The following FBLN2 variants were observed in gnomAD, a reference collection of about 807,000 sequenced individuals.
FBLN2 encodes the protein fibulin-2.
A neutral mutation model predicts 123.7 loss-of-function variants in FBLN2; 81 were observed. The ratio of observed to expected loss-of-function variants is 0.65; its 90% CI spans 0.55 to 0.79. The LOEUF (loss-of-function observed/expected upper bound fraction) is 0.79. Among genes scored for constraint, FBLN2 ranks in the 30% least tolerant of loss-of-function variants. The pLI, the probability that FBLN2 is intolerant of heterozygous loss-of-function variation, is 0.00. For synonymous variants in FBLN2, 699 were observed against 701.4 expected, an observed-to-expected ratio of 1.00 and a Z score of 0.05; for missense variants, 1,603 against 1,681.3, an observed-to-expected ratio of 0.95 and a Z score of 0.81.
chr3:13,558,731 T>C (rs1252283890), intron 1 of FBLN2, among the ~76,000 whole-genome samples: 1 of 111,748 alleles, frequency 8.9e-6, no homozygotes, highest in African/African-American at 3.5e-5. Flanking sequence ...CTACCTACTT[T>C]TTTAGCCACC....
intron 1 of FBLN2, among the ~76,000 whole-genome samples, chr3:13,568,421 C>T (rs1703813513): frequency 6.6e-6 from 1 of 152,252 alleles, no homozygotes; most frequent in Non-Finnish European, 1.5e-5. Context: ...TCACCTGCTC[C>T]CTGCTGGCTC....
chr3:13,606,161 A>G (rs2124876736), intron 2 of FBLN2, among the ~76,000 whole-genome samples: 1 of 152,282 alleles, frequency 6.6e-6, no homozygotes, highest in Non-Finnish European at 1.5e-5. Context: ...TAGCCTCCCA[A>G]AATGCTGGGA....
chr3:13,620,243 A>G (rs1350885288), intron 8 of FBLN2, among the ~76,000 whole-genome samples: 1 of 152,166 alleles, frequency 6.6e-6, no homozygotes, highest in East Asian at 1.9e-4. Flanking sequence ...GCTTCTAACA[A>G]GGTGATACGG....
chr3:13,577,182 C>T (rs1704174959), intron 2 of FBLN2, among the ~76,000 whole-genome samples: 1 of 149,986 alleles, frequency 6.7e-6, no homozygotes, highest in Non-Finnish European at 1.5e-5. Context: ...GAGATTGCGC[C>T]ACCGCACTCC....
At chr3:13,581,821 G>A (rs900613323) in intron 2 of FBLN2, among the ~76,000 whole-genome samples, 3 of 152,148 alleles carry the variant, frequency 2.0e-5, no homozygotes, top group East Asian at 3.9e-4. Context: ...CCTTCCCACC[G>A]TGGTGTCAAC....
At chr3:13,557,978 G>C (rs1703505302) in intron 1 of FBLN2, among the ~76,000 whole-genome samples, 2 of 152,192 alleles carry the variant, frequency 1.3e-5, no homozygotes, top group African/African-American at 4.8e-5. Flanking sequence ...CAAGGCTCTT[G>C]AGCCCAACGG....
At position 13,630,760 on chromosome 3, in the gene FBLN2, C is replaced by T; in HGVS notation, c.3030C>T (p.Tyr1010=). Reference sequence around the variant, plus strand: ...AGTGTGCCAACATCTATGGCTCCTACCAGTGCTACTGCCGCCAGGGCTACC... The same window carrying T: ...AGTGTGCCAACATCTATGGCTCCTATCAGTGCTACTGCCGCCAGGGCTACC... ...SQECANIYGS[Y]QCYCRQGYQL... is the part of the protein sequence containing the mutation. The change falls in exon 15 of 18, where the codon TAC becomes TAT. Residue 1010 remains tyrosine, a synonymous_variant. Coordinates refer to ENST00000404922, the MANE Select transcript of FBLN2 (RefSeq NM_001004019.2). The T allele has an allele frequency of 6.2e-7, 1 of 1,610,314 alleles. No individual in the cohort carries two copies.
chr3:13,604,723 T>C (rs1705147676), intron 2 of FBLN2, among the ~76,000 whole-genome samples: 1 of 152,260 alleles, frequency 6.6e-6, no homozygotes, highest in African/African-American at 2.4e-5. Context: ...TGCTATGTGC[T>C]TCTGGTAGAC....
rs145812553 is a variant in FBLN2, at chr3:13,572,901, C to G, written c.1306+1240C>G. On this transcript the variant is annotated intron_variant, in intron 2 of 17. Transcript: ENST00000404922. ...GGGCTTGCAGATCCAGAAGCCTGGT[C>G]TAGCTTCCATGGGGACCTGGGGTGA... is the stretch of plus-strand genomic sequence containing the variant. 3.7e-3 allele frequency among the ~76,000 whole-genome samples: 562 copies of G among 152,322 alleles called. 7 individuals carry two copies. Among genetic ancestry groups the G allele is most frequent in the African/African-American group, 0.013 (541 of 41,570 alleles).
intron 16 of FBLN2, among the ~76,000 whole-genome samples, chr3:13,632,967 G>T (rs1194153012): frequency 9.9e-5 from 15 of 152,234 alleles, no homozygotes; most frequent in Admixed American, 2.6e-4. Context: ...CCAAGGCCCT[G>T]TTCCTCCTGG....
At chr3:13,630,249 C>T (rs1474943035) in intron 14 of FBLN2, among the ~76,000 whole-genome samples, 1 of 152,218 alleles carries the variant, frequency 6.6e-6, no homozygotes, top group Non-Finnish European at 1.5e-5. Flanking sequence ...CTGAGGCATC[C>T]AAGGTCCGTG....
At chr3:13,549,918 C>G (rs1703277453) in intron 1 of FBLN2, among the ~76,000 whole-genome samples, 2 of 152,214 alleles carry the variant, frequency 1.3e-5, no homozygotes, top group African/African-American at 2.4e-5. Context: ...ATGCCTCTAG[C>G]AGACAGTTGT....
At chr3:13,619,133 AG>A in intron 7 of FBLN2, 116 bp downstream of exon 7, 1 of 718,544 alleles carries the variant, frequency 1.4e-6, no homozygotes. Context: ...GCCCCTCCAA[AG>A]GGTGTGCTTC....
At chr3:13,577,751 C>T (rs1704197466) in intron 2 of FBLN2, among the ~76,000 whole-genome samples, 1 of 152,200 alleles carries the variant, frequency 6.6e-6, no homozygotes, top group Non-Finnish European at 1.5e-5. Context: ...CGTGGCTGGA[C>T]AGGTGCCCTG....
intron 2 of FBLN2, among the ~76,000 whole-genome samples, chr3:13,579,815 T>G (rs1704264902): frequency 6.6e-6 from 1 of 152,212 alleles, no homozygotes. Flanking sequence ...CTTTTTTTCT[T>G]TGTACGCTGT....
At chr3:13,574,119 G>A (rs1704056649) in intron 2 of FBLN2, among the ~76,000 whole-genome samples, 1 of 152,210 alleles carries the variant, frequency 6.6e-6, no homozygotes, top group South Asian at 2.1e-4. Context: ...GAGTCACCGT[G>A]TTGAGGGGCG....
chr3:13,556,493 C>G (rs918789529), intron 1 of FBLN2, among the ~76,000 whole-genome samples: 1 of 152,154 alleles, frequency 6.6e-6, no homozygotes, highest in Non-Finnish European at 1.5e-5. Context: ...TGATACCATC[C>G]CACTGGGGTC....
intron 1 of FBLN2, among the ~76,000 whole-genome samples, chr3:13,553,567 G>A (rs999162977): frequency 1.3e-5 from 2 of 152,212 alleles, no homozygotes; most frequent in Admixed American, 6.5e-5. Flanking sequence ...GGGTCAAGCC[G>A]TGCGTCATTT....
intron 2 of FBLN2, among the ~76,000 whole-genome samples, chr3:13,603,712 T>A (rs955657144): frequency 2.0e-5 from 3 of 152,208 alleles, no homozygotes; most frequent in African/African-American, 7.2e-5. Flanking sequence ...TGCATGTGTC[T>A]TTATAGCAGC....
Sources: gnomAD v4.1 joint callset for allele counts (sites outside exome capture counted in the v4.1 genomes callset) on GRCh38, gnomAD v4.1.1 for gene constraint, MANE v1.5 for transcripts, NCBI Gene and HGNC (gene_info 2026-07-23, HGNC 2026-07-21) for gene names.